ARB2A: variants seen among roughly 807,000 people sequenced by gnomAD.
ARB2A encodes cotranscriptional regulator ARB2A.
At chr5:93,663,385 A>G in the ARB2A span, among the ~76,000 whole-genome samples, 1 of 152,218 alleles carries the variant, frequency 6.6e-6, no homozygotes, top group South Asian at 2.1e-4. Context: ...AGGAAAGCTA[A>G]AAGTTTCCTC....
chr5:93,840,089 T>G, the ARB2A span, among the ~76,000 whole-genome samples: 11 of 152,298 alleles, frequency 7.2e-5, no homozygotes, highest in African/African-American at 2.6e-4. Context: ...TCTAGTTCCT[T>G]GAGGTTAGGT....
chr5:93,816,336 T>C, the ARB2A span, among the ~76,000 whole-genome samples: 34 of 152,346 alleles, frequency 2.2e-4, no homozygotes, highest in South Asian at 6.0e-3. Context: ...TAGTCAATCA[T>C]AGTCTCATAT....
At chr5:93,711,029 T>C in the ARB2A span, among the ~76,000 whole-genome samples, 4 of 152,262 alleles carry the variant, frequency 2.6e-5, no homozygotes, top group Admixed American at 2.0e-4. Context: ...TTTTGGACAG[T>C]AGCACTTAAG....
the ARB2A span, among the ~76,000 whole-genome samples, chr5:94,023,799 G>A: frequency 6.6e-6 from 1 of 152,178 alleles, no homozygotes; most frequent in Non-Finnish European, 1.5e-5. Context: ...ACTGATCACT[G>A]TGTAACTGTA....
At chr5:93,948,336 C>G in the ARB2A span, among the ~76,000 whole-genome samples, 1 of 152,160 alleles carries the variant, frequency 6.6e-6, no homozygotes, top group Non-Finnish European at 1.5e-5. Context: ...TGTTCATGTC[C>G]TTCACCCACT....
chr5:93,727,361 T>C, the ARB2A span, among the ~76,000 whole-genome samples: 1 of 151,958 alleles, frequency 6.6e-6, no homozygotes, highest in Non-Finnish European at 1.5e-5. Context: ...AAATATAATA[T>C]TTAAACTACA....
the ARB2A span, among the ~76,000 whole-genome samples, chr5:93,718,218 G>A: frequency 4.1e-4 from 62 of 152,164 alleles, no homozygotes; most frequent in African/African-American, 1.4e-3. Flanking sequence ...GAGGTGGGCA[G>A]ATCACGAGGT....
chr5:94,084,288 AAAAAAG>A, the ARB2A span, among the ~76,000 whole-genome samples: 1 of 151,254 alleles, frequency 6.6e-6, no homozygotes, highest in Non-Finnish European at 1.5e-5. Flanking sequence ...AAAAAAAAAA[AAAAAAG>A]AAAAGAAAAT....
the ARB2A span, chr5:93,784,405 G>A: frequency 6.8e-6 from 11 of 1,613,044 alleles, no homozygotes; most frequent in Admixed American, 1.7e-5. Context: ...TTCTCGAATC[G>A]TTTTGCCAGC....
the ARB2A span, chr5:93,776,241 G>T: frequency 6.2e-7 from 1 of 1,606,630 alleles, no homozygotes; most frequent in Non-Finnish European, 8.5e-7. Context: ...AATTACAACA[G>T]TTCTGCAATG....
the ARB2A span, among the ~76,000 whole-genome samples, chr5:93,877,381 T>C: frequency 3.9e-5 from 6 of 152,198 alleles, no homozygotes; most frequent in Non-Finnish European, 8.8e-5. Flanking sequence ...TTCATTCCTA[T>C]GCTGCAGGTT....
the ARB2A span, among the ~76,000 whole-genome samples, chr5:93,729,854 T>G: frequency 6.6e-6 from 1 of 152,020 alleles, no homozygotes; most frequent in African/African-American, 2.4e-5. Flanking sequence ...GTTGTTGTCC[T>G]CATTAAAACA....
chr5:93,740,471 T>C, the ARB2A span: 2 of 1,241,654 alleles, frequency 1.6e-6, no homozygotes, highest in Admixed American at 2.3e-5. Context: ...AGACAGTGAA[T>C]GAGAAATTAA....
chr5:94,102,220 AG>A, the ARB2A span, among the ~76,000 whole-genome samples: 4 of 152,206 alleles, frequency 2.6e-5, no homozygotes, highest in African/African-American at 9.6e-5. Context: ...CTGGATGGCA[AG>A]GAGAATCATC....
At chr5:93,685,074 G>C in the ARB2A span, among the ~76,000 whole-genome samples, 1 of 152,136 alleles carries the variant, frequency 6.6e-6, no homozygotes, top group South Asian at 2.1e-4. Context: ...TAAGTCTCAG[G>C]TCATATGGCT....
At chr5:93,634,111 A>G in the ARB2A span, among the ~76,000 whole-genome samples, 1 of 152,078 alleles carries the variant, frequency 6.6e-6, no homozygotes, top group Non-Finnish European at 1.5e-5. Context: ...GAGTTAAGAA[A>G]GAAATTCCTG....
chr5:93,848,281 G>A, the ARB2A span, among the ~76,000 whole-genome samples: 6 of 151,988 alleles, frequency 3.9e-5, no homozygotes, highest in Non-Finnish European at 5.9e-5. Context: ...TACTCAGGAG[G>A]CTGAGGCAGG....
the ARB2A span, among the ~76,000 whole-genome samples, chr5:93,982,231 C>T: frequency 6.6e-6 from 1 of 152,130 alleles, no homozygotes; most frequent in African/African-American, 2.4e-5. Flanking sequence ...AGGGCTTCAT[C>T]TGAGTTTCAA....
chr5:93,618,192 CG>C, the ARB2A span: 2 of 151,216 alleles, frequency 1.3e-5, no homozygotes, highest in Non-Finnish European at 2.9e-5. Context: ...GGTCAAAGCA[CG>C]AGGCAGAAAC....
Sources: gnomAD v4.1 joint callset for allele counts (sites outside exome capture counted in the v4.1 genomes callset) on GRCh38, gnomAD v4.1.1 for gene constraint, MANE v1.5 for transcripts, NCBI Gene and HGNC (gene_info 2026-07-23, HGNC 2026-07-21) for gene names.